Variants in VPS28 observed in about 807,000 individuals in gnomAD.
The protein encoded by VPS28 is VPS28 subunit of ESCRT-I, also known as vacuolar protein sorting-associated protein 28 homolog.
A neutral mutation model predicts 33.7 loss-of-function variants in VPS28; 29 were observed. That is an observed-to-expected ratio of 0.86 (90% confidence interval 0.64 to 1.17). The LOEUF is 1.17. VPS28 is among the 50% of genes most tolerant of loss of function. The pLI is 0.00. For synonymous variants in VPS28, 164 were observed against 116.7 expected, an observed-to-expected ratio of 1.40 and a Z score of -2.61; for missense variants, 247 against 312.2, an observed-to-expected ratio of 0.79 and a Z score of 1.57.
rs1044131502 is a variant in VPS28, at chr8:144,425,844, C to A, written c.105-72G>T. The A allele has an allele frequency of 2.9e-4, 463 of 1,599,154 alleles. 1 individual carries two copies. Among genetic ancestry groups the A allele is most frequent in the Non-Finnish European group, 3.8e-4 (442 of 1,170,430 alleles). The stretch of plus-strand genomic sequence containing the variant: ...TAGAGCCCAGAGTGCTACCCCCTGC[C>A]CGGAGGTGCCACTGCGGGCGCTCTG... On this transcript the variant is annotated intron_variant, in intron 4 of 9. Transcript: ENST00000292510.
intron 2 of VPS28, chr8:144,426,449 G>A (rs1042541645): frequency 1.2e-5 from 6 of 513,274 alleles, no homozygotes; most frequent in Non-Finnish European, 1.7e-5. Context: ...GCTCCACTGC[G>A]GCTCCCCGGG....
At chr8:144,426,378 G>C (rs1554876786) in intron 2 of VPS28, 170 bp from the exon 3 acceptor site, 2 of 866,794 alleles carry the variant, frequency 2.3e-6, no homozygotes, top group East Asian at 5.8e-5. Flanking sequence ...TCAGTGTGTG[G>C]GGGGACCTGA....
chr8:144,426,740 T>C (rs1822778988), intron 2 of VPS28, 169 bp downstream of exon 2: 2 of 685,930 alleles, frequency 2.9e-6, no homozygotes, highest in Admixed American at 2.8e-5. Flanking sequence ...TGTCTGGAGG[T>C]TTCTGAGCCC....
At chr8:144,426,600 G>A (rs373738454) in intron 2 of VPS28, 1 of 462,300 alleles carries the variant, frequency 2.2e-6, no homozygotes, top group Non-Finnish European at 3.9e-6. Context: ...CGTGGCTCAT[G>A]ATGCAGTGCC....
At chr8:144,425,626 A>T in intron 5 of VPS28, 57 bp downstream of exon 5, 1 of 1,582,396 alleles carries the variant, frequency 6.3e-7, no homozygotes, top group Non-Finnish European at 8.7e-7. Flanking sequence ...CTTGCTGCCT[A>T]TGGAGCACCC....
At chr8:144,428,178 C>T (rs1406340945) in intron 1 of VPS28, among the ~76,000 whole-genome samples, 1 of 152,128 alleles carries the variant, frequency 6.6e-6, no homozygotes, top group Non-Finnish European at 1.5e-5. Context: ...GGGTGGGGAC[C>T]GAGGCTGCTC....
intron 2 of VPS28, chr8:144,426,476 C>T (rs544190497): frequency 4.1e-6 from 2 of 491,536 alleles, no homozygotes; most frequent in Non-Finnish European, 7.2e-6. Context: ...CATGACAGGC[C>T]CAGCTCCCCA....
rs371179257 is a variant in VPS28, at chr8:144,426,732, T to A, written c.37+177A>T. ...GCCCAGCAGGACCAAGCCAGTTCTG[T>A]CTGGAGGTTTCTGAGCCCTCAGTGC... is the stretch of plus-strand genomic sequence containing the variant. On this transcript the variant is annotated intron_variant, in intron 2 of 9. Coordinates refer to ENST00000292510, the MANE Select transcript of VPS28 (RefSeq NM_016208.4). 16 of 656,416 alleles carry A rather than the reference T, an allele frequency of 2.4e-5. No individual in the cohort carries two copies. The African/African-American group carries it at 2.7e-4, about 11-fold the overall frequency. The allele number at this position is 656,416 out of a possible 1,614,324, so 40.7% of individuals were successfully genotyped here.
At chr8:144,425,384 A>C (rs1453611727) in intron 5 of VPS28, 3 of 564,462 alleles carry the variant, frequency 5.3e-6, no homozygotes, top group Non-Finnish European at 9.5e-6. Context: ...CATTGAACAA[A>C]GCCCCCCCAA....
Position 144,427,580 on chromosome 8 carries a change from C to T in VPS28, c.-34-601G>A, listed in dbSNP as rs1338327516. ...CGAGGAGAGTTTGGGGCACAGGAAACAACACACTTAACAGCCCGCCTTTAA... is the reference window on the plus strand; with the variant it reads ...CGAGGAGAGTTTGGGGCACAGGAAATAACACACTTAACAGCCCGCCTTTAA... On this transcript the variant is annotated intron_variant, in intron 1 of 9. Coordinates refer to ENST00000292510, the MANE Select transcript of VPS28 (RefSeq NM_016208.4). Among the ~76,000 whole-genome samples, 3 of 152,256 alleles carry T rather than the reference C, an allele frequency of 2.0e-5. No individual in the cohort carries two copies. In the East Asian group the frequency reaches 5.8e-4, roughly 29 times the overall value.
chr8:144,425,249 C>T, intron 5 of VPS28, 198 bp from the exon 6 acceptor site: 1 of 604,840 alleles, frequency 1.7e-6, no homozygotes, highest in Non-Finnish European at 2.9e-6. Context: ...TAGCTCGGCT[C>T]CAGGTGGAGA....
intron 5 of VPS28, 178 bp from the exon 6 acceptor site, chr8:144,425,229 G>C: frequency 1.6e-6 from 1 of 619,324 alleles, no homozygotes; most frequent in Non-Finnish European, 2.8e-6. Flanking sequence ...TGAGCACGTA[G>C]TGGGGCTTGT....
chr8:144,424,701 T>C lies in VPS28; in HGVS notation c.402+17A>G, dbSNP rs782086694. The C allele has an allele frequency of 3.1e-6, 5 of 1,608,016 alleles. No homozygotes were observed. The highest frequency in any genetic ancestry group is 4.2e-6 in the Non-Finnish European group (5 of 1,179,602). On this transcript the variant is annotated intron_variant, in intron 7 of 9. Coordinates refer to ENST00000292510, the MANE Select transcript of VPS28 (RefSeq NM_016208.4). ...CCTCGGCTCTCCTAACCACGTGCCC[T>C]GGGGGCTGGGGCGCACCGAGACCAC...
chr8:144,424,004 C>A, intron 9 of VPS28, 37 bp downstream of exon 9: 2 of 1,603,336 alleles, frequency 1.2e-6, no homozygotes, highest in Non-Finnish European at 1.7e-6. Flanking sequence ...GGGTCTCGGG[C>A]ACTGCGGGGC....
intron 4 of VPS28, 52 bp from the exon 5 acceptor site, chr8:144,425,824 C>T (rs1412513555): frequency 6.2e-7 from 1 of 1,611,014 alleles, no homozygotes; most frequent in East Asian, 2.2e-5. Context: ...AAGCCTAGAG[C>T]CCAGAGTGCT....
intron 2 of VPS28, chr8:144,426,631 G>C (rs186898125): frequency 4.1e-6 from 2 of 493,752 alleles, no homozygotes. Flanking sequence ...ACCACACACA[G>C]CCTCTCCCCT....
In VPS28 at chr8:144,425,782, C is replaced by A. The variant is rs372355075; in HGVS notation, c.105-10G>T. 2 of 1,613,672 alleles carry A rather than the reference C, an allele frequency of 1.2e-6. No homozygotes were observed. The highest frequency in any genetic ancestry group is 2.7e-5 in the African/African-American group (2 of 74,926). The stretch of plus-strand genomic sequence containing the variant: ...TGCCATGTTGTCGTACCTGAGGACA[C>A]ACCTGTCTATCGGGCCAGGCCCCGG... On this transcript the variant is annotated splice_polypyrimidine_tract_variant and intron_variant, in intron 4 of 9. Coordinates refer to ENST00000292510, the MANE Select transcript of VPS28 (RefSeq NM_016208.4).
At chr8:144,425,832 GCTACCC>G (rs1822694119) in intron 4 of VPS28, 60 bp from the exon 5 acceptor site, 2 of 1,605,534 alleles carry the variant, frequency 1.2e-6, no homozygotes, top group East Asian at 4.5e-5. Flanking sequence ...AGCCCAGAGT[GCTACCC>G]CCTGCCCGGA....
rs782609163 is a variant in VPS28, at chr8:144,424,834, A to G, written c.301-15T>C. The G allele has an allele frequency of 1.4e-5, 23 of 1,613,644 alleles. No homozygotes were observed. Among genetic ancestry groups the G allele is most frequent in the Non-Finnish European group, 1.7e-5 (20 of 1,179,886 alleles). On this transcript the variant is annotated splice_polypyrimidine_tract_variant and intron_variant, in intron 6 of 9. Coordinates refer to ENST00000292510, the MANE Select transcript of VPS28 (RefSeq NM_016208.4). ...GGGCAGTCCAGCTGTTGGGGGTGACATGGGTGCTGGGGCTCTCAGGACAGC... is the reference window on the plus strand; with the variant it reads ...GGGCAGTCCAGCTGTTGGGGGTGACGTGGGTGCTGGGGCTCTCAGGACAGC...
Sources: allele counts gnomAD v4.1 joint callset (sites outside exome capture counted in the v4.1 genomes callset), GRCh38; gene constraint gnomAD v4.1.1; transcripts MANE v1.5; gene names NCBI Gene and HGNC (gene_info 2026-07-23, HGNC 2026-07-21).